The following AIFM3 variants were observed in gnomAD, a reference collection of about 807,000 sequenced individuals.
The protein encoded by AIFM3 is AIF family member 3.
A neutral mutation model predicts 82.7 loss-of-function variants in AIFM3; 71 were observed. The ratio of observed to expected loss-of-function variants is 0.86; its 90% CI spans 0.71 to 1.05. The LOEUF is 1.05. Among genes scored for constraint, AIFM3 ranks in the 50% least tolerant of loss-of-function variants. The pLI, the probability that AIFM3 is intolerant of heterozygous loss-of-function variation, is 0.00. For missense variants in AIFM3, 748 were observed against 816.7 expected (o/e 0.92, Z 1.03); for synonymous variants, 337 against 329.1 (o/e 1.02, Z -0.26).
chr22:20,970,829 C>T (rs948915168), intron 2 of AIFM3, among the ~76,000 whole-genome samples: 4 of 152,240 alleles, frequency 2.6e-5, no homozygotes, highest in African/African-American at 9.6e-5. Context: ...TCTTGAACTC[C>T]TGGACTCAAG....
chr22:20,971,739 T>C (rs1263186201), intron 2 of AIFM3, among the ~76,000 whole-genome samples: 4 of 152,204 alleles, frequency 2.6e-5, no homozygotes, highest in South Asian at 4.1e-4. Flanking sequence ...AGGGGCTTAG[T>C]GTCCATCACT....
chr22:20,973,862 T>G lies in AIFM3; in HGVS notation c.350T>G (p.Val117Gly), dbSNP rs2147941455. Reference sequence around the variant, plus strand: ...TGTCCGCACTACGGCGCACCCCTGGTGAAAGGTGAGCTGTCAGGTGGGAGG... The same window carrying G: ...TGTCCGCACTACGGCGCACCCCTGGGGAAAGGTGAGCTGTCAGGTGGGAGG... ...HKCPHYGAPL[V>G]KGVLSRGRVR... Residue 117 changes from valine (V) to glycine (G), a missense_variant, in exon 4 of 21, where the codon GTG becomes GGG. Coordinates refer to ENST00000440238, the MANE Select transcript of AIFM3 (RefSeq NM_001386814.1). 2 of 1,535,134 alleles carry G rather than the reference T, an allele frequency of 1.3e-6. No homozygotes were observed. The highest frequency in any genetic ancestry group is 2.5e-5 in the South Asian group (2 of 80,478).
chr22:20,976,986 G>A lies in AIFM3; in HGVS notation c.1219-46G>A, dbSNP rs763159110. The A allele has an allele frequency of 8.1e-6, 13 of 1,614,168 alleles. 1 individual carries two copies. The East Asian group carries it at 2.9e-4, about 36-fold the overall frequency. On this transcript the variant is annotated intron_variant, in intron 13 of 20. Coordinates refer to ENST00000440238, the MANE Select transcript of AIFM3 (RefSeq NM_001386814.1). ...TGCTGCTTTCTGTCCTCTGTCCCCT[G>A]AGCCTGGGAGCTGGGTCCACCTGTT...
intron 2 of AIFM3, among the ~76,000 whole-genome samples, chr22:20,970,219 T>C (rs1923183881): frequency 1.3e-5 from 2 of 152,236 alleles, no homozygotes; most frequent in African/African-American, 4.8e-5. Flanking sequence ...GCTTCTACTC[T>C]GGGTTACATA....
intron 18 of AIFM3, 88 bp downstream of exon 18, chr22:20,979,790 A>G: frequency 6.5e-7 from 1 of 1,527,322 alleles, no homozygotes; most frequent in Non-Finnish European, 9.0e-7. Context: ...CCAGAACAAG[A>G]GCCCAGCCCT....
chr22:20,971,475 G>C (rs959042469), intron 2 of AIFM3, among the ~76,000 whole-genome samples: 1 of 152,228 alleles, frequency 6.6e-6, no homozygotes, highest in Non-Finnish European at 1.5e-5. Context: ...CAGAGCATGA[G>C]ATGATGGATG....
At position 20,977,940 on chromosome 22, in the gene AIFM3, T is replaced by G. The variant is rs1923805656; in HGVS notation, c.1412T>G (p.Phe471Cys). The G allele has an allele frequency of 6.2e-7, 1 of 1,613,874 alleles. No homozygotes were observed. ...TTTGCAGCTGGCGATGCTGTCACCT[T>G]CCCCCTTGCCTGGAGGAACAACCGC... ...GVFAAGDAVT[F>C]PLAWRNNRKV... Residue 471 changes from phenylalanine (F) to cysteine (C), a missense_variant, in exon 16 of 21, where the codon TTC becomes TGC. By Grantham distance (205) the Phe-to-Cys change is radical. Coordinates refer to ENST00000440238, the MANE Select transcript of AIFM3 (RefSeq NM_001386814.1).
In AIFM3 at chr22:20,973,485, T is replaced by C. The variant is rs1338274394; in HGVS notation, c.210T>C (p.Ala70=). The change falls in exon 3 of 21, where the codon GCT becomes GCC. Residue 70 remains alanine (A), a synonymous_variant. Coordinates refer to ENST00000440238, the MANE Select transcript of AIFM3 (RefSeq NM_001386814.1). ...PYPSPQDCVE[A]AVCHVKDLEN... is the part of the protein sequence containing the mutation. ...CCAGCCCTCAGGATTGCGTGGAGGC[T>C]GCTGTCTGCCACGTCAAGGACCTCG... 6.2e-7 allele frequency: 1 copy of C among 1,612,792 alleles called. No homozygotes were observed. Among genetic ancestry groups the C allele is most frequent in the Admixed American group, 1.7e-5 (1 of 60,006 alleles).
chr22:20,965,961 C>T (rs1446899257), upstream of AIFM3, among the ~76,000 whole-genome samples: 4 of 152,300 alleles, frequency 2.6e-5, no homozygotes, highest in African/African-American at 4.8e-5. Flanking sequence ...AGCACTCGGG[C>T]GCTCTGCACT....
intron 4 of AIFM3, 75 bp from the exon 5 acceptor site, chr22:20,973,988 G>GCAGTTGC: frequency 6.6e-7 from 1 of 1,504,182 alleles, no homozygotes; most frequent in East Asian, 2.4e-5. Context: ...GGAGGGGCCC[G>GCAGTTGC]CAGTTGCCGG....
At position 20,973,813 on chromosome 22, in the gene AIFM3, GAGT is replaced by G. The variant is rs1923433965; in HGVS notation, c.302_304del (p.Glu101_Phe102delinsVal). 4 of 1,583,768 alleles carry G rather than the reference GAGT, an allele frequency of 2.5e-6. No individual in the cohort carries two copies. In the African/African-American group the frequency reaches 5.4e-5, roughly 21 times the overall value. On this transcript the variant is annotated inframe_deletion, in exon 4 of 21. Coordinates refer to ENST00000440238, the MANE Select transcript of AIFM3 (RefSeq NM_001386814.1). The stretch of plus-strand genomic sequence containing the variant: ...GGTGTTGCTGGTGAAGGACAATGGG[GAGT>G]TCCACGCCCTGGGCCATAAGTGTCC...
chr22:20,973,649 T>A, intron 3 of AIFM3, 109 bp from the exon 4 acceptor site: 1 of 1,399,138 alleles, frequency 7.1e-7, no homozygotes, highest in Non-Finnish European at 9.7e-7. Context: ...ACTGCCTTTG[T>A]GGCTTCTACC....
At chr22:20,973,275 G>A (rs1569147101) in intron 2 of AIFM3, 32 bp from the exon 3 acceptor site, 2 of 1,551,776 alleles carry the variant, frequency 1.3e-6, no homozygotes, top group Non-Finnish European at 1.7e-6. Context: ...GTTGGCTGAG[G>A]TGGGGGGCTC....
intron 9 of AIFM3, among the ~76,000 whole-genome samples, 171 bp from the exon 10 acceptor site, chr22:20,976,044 G>A (rs1012954857): frequency 2.6e-5 from 4 of 152,258 alleles, no homozygotes; most frequent in Admixed American, 2.0e-4. Context: ...AGAGGTTTGA[G>A]GGGAAGGTGA....
At position 20,977,690 on chromosome 22, in the gene AIFM3, G is replaced by T. The variant is rs371611321; in HGVS notation, c.1283-10G>T. The T allele has an allele frequency of 1.2e-6, 2 of 1,613,612 alleles. No homozygotes were observed. Among genetic ancestry groups the T allele is most frequent in the Non-Finnish European group, 8.5e-7 (1 of 1,179,706 alleles). ...GACAGGGGAGTGGACACAGGCTTCCGTCCTGTCAGGTGCAGTGCCCGCCAC... is the reference window on the plus strand; with the variant it reads ...GACAGGGGAGTGGACACAGGCTTCCTTCCTGTCAGGTGCAGTGCCCGCCAC... On this transcript the variant is annotated splice_polypyrimidine_tract_variant and intron_variant, in intron 14 of 20. Coordinates refer to ENST00000440238, the MANE Select transcript of AIFM3 (RefSeq NM_001386814.1).
At chr22:20,979,232 G>T in intron 16 of AIFM3, 39 bp from the exon 17 acceptor site, 1 of 1,547,842 alleles carries the variant, frequency 6.5e-7, no homozygotes, top group Non-Finnish European at 8.7e-7. Flanking sequence ...GGAGTGGTAA[G>T]AGCGAGAGTT....
In AIFM3 at chr22:20,974,782, G is replaced by A. The variant is rs755589476; in HGVS notation, c.686G>A (p.Arg229Gln). The change falls in exon 8 of 21, where the codon CGG (arginine) becomes CAG (glutamine). Residue 229 changes from arginine (R) to glutamine (Q), a missense_variant. Coordinates refer to ENST00000440238, the MANE Select transcript of AIFM3 (RefSeq NM_001386814.1). ...CGGATCGTCCTGTGCACGCTAGACC[G>A]GCACCTTCCCTACGACCGTCCCAAG... ...SDRIVLCTLD[R>Q]HLPYDRPKLS... 48 of 1,613,234 alleles carry A rather than the reference G, an allele frequency of 3.0e-5. No homozygotes were observed. The Middle Eastern group carries it at 5.4e-4, about 18-fold the overall frequency.
intron 2 of AIFM3, 52 bp from the exon 3 acceptor site, chr22:20,973,255 G>A (rs751347377): frequency 1.9e-6 from 3 of 1,544,230 alleles, no homozygotes; most frequent in Non-Finnish European, 2.6e-6. Context: ...CTTGAGGGAT[G>A]GGGGAGGAAG....
At chr22:20,967,384 C>A (rs1922957237) in intron 1 of AIFM3, 81 bp downstream of exon 1, 1 of 154,970 alleles carries the variant, frequency 6.5e-6, no homozygotes, top group South Asian at 1.9e-4. Flanking sequence ...GGGAGAAGAC[C>A]AAGGATGAGA....
Sources: allele counts gnomAD v4.1 joint callset (sites outside exome capture counted in the v4.1 genomes callset), GRCh38; gene constraint gnomAD v4.1.1; transcripts MANE v1.5; gene names NCBI Gene and HGNC (gene_info 2026-07-23, HGNC 2026-07-21).